ASPH: variants seen among roughly 807,000 people sequenced by gnomAD.
ASPH encodes aspartyl/asparaginyl beta-hydroxylase.
In ASPH, 100 loss-of-function variants were observed where a neutral mutation model predicts 118.4. That is an observed-to-expected ratio of 0.84 (90% CI 0.72 to 1.00). ASPH has a LOEUF of 1.00. ASPH is among the 50% of genes least tolerant of loss of function. The pLI, the probability that ASPH is intolerant of heterozygous loss-of-function variation, is 0.00. For synonymous variants in ASPH, 315 were observed against 325.6 expected (o/e 0.97, Z 0.35); for missense variants, 920 against 919.5 (o/e 1.00, Z -0.01).
chr8:61,682,419 A>G, intron 2 of ASPH: 1 of 1,610,200 alleles, frequency 6.2e-7, no homozygotes, highest in Non-Finnish European at 8.5e-7. Flanking sequence ...TAGACTTGAA[A>G]TGCAACTCCA....
At chr8:61,575,440 C>G (rs1325450268) in intron 16 of ASPH, among the ~76,000 whole-genome samples, 1 of 152,120 alleles carries the variant, frequency 6.6e-6, no homozygotes, top group East Asian at 1.9e-4. Context: ...CTGCTTAGCA[C>G]TTAGCCCTAG....
chr8:61,588,266 C>T (rs1222889026), intron 14 of ASPH, among the ~76,000 whole-genome samples: 2 of 152,162 alleles, frequency 1.3e-5, no homozygotes, highest in Non-Finnish European at 2.9e-5. Context: ...CATTTCAAAT[C>T]CTTACTTCCC....
intron 24 of ASPH, among the ~76,000 whole-genome samples, chr8:61,506,331 G>A (rs1225547137): frequency 1.3e-5 from 2 of 152,140 alleles, no homozygotes; most frequent in Non-Finnish European, 1.5e-5. Context: ...GTGGGAGGAC[G>A]GGAATGGGAG....
intron 19 of ASPH, among the ~76,000 whole-genome samples, chr8:61,554,902 G>A (rs917457228): frequency 2.0e-5 from 3 of 152,020 alleles, no homozygotes; most frequent in Admixed American, 1.3e-4. Flanking sequence ...CTGTAGAGAT[G>A]GGAATCTCAC....
intron 1 of ASPH, among the ~76,000 whole-genome samples, chr8:61,700,493 T>G (rs1834977621): frequency 6.6e-6 from 1 of 152,226 alleles, no homozygotes; most frequent in South Asian, 2.1e-4. Context: ...CAGATTAATC[T>G]ATCCCAACTG....
At chr8:61,594,704 T>G (rs1371326380) in intron 14 of ASPH, among the ~76,000 whole-genome samples, 2 of 152,112 alleles carry the variant, frequency 1.3e-5, no homozygotes, top group African/African-American at 4.8e-5. Context: ...CAGTGATTGT[T>G]GTTAATCTCT....
At position 61,503,349 on chromosome 8, in the gene ASPH, T is replaced by G. The variant is rs148842811; in HGVS notation, c.*10A>C. On this transcript the variant is annotated 3_prime_UTR_variant, in exon 25 of 25. Transcript: ENST00000379454. ...CTCTCCAGAGTTTCCCAAGCTTGCA[T>G]GAATTCATGCTAAATTGCTGGAAGG... is the stretch of plus-strand genomic sequence containing the variant. 1.3e-6 allele frequency: 2 copies of G among 1,599,722 alleles called. No homozygotes were observed. The highest frequency in any genetic ancestry group is 1.7e-6 in the Non-Finnish European group (2 of 1,170,758).
At chr8:61,684,407 A>G in intron 1 of ASPH, 1 of 490,330 alleles carries the variant, frequency 2.0e-6, no homozygotes. Flanking sequence ...CAGGAAATAA[A>G]CTCCTGAATT....
At chr8:61,565,562 G>GA (rs1407921899) in intron 17 of ASPH, among the ~76,000 whole-genome samples, 5 of 152,212 alleles carry the variant, frequency 3.3e-5, no homozygotes, top group African/African-American at 1.2e-4. Context: ...AAAAGTGTAA[G>GA]ATGAAGTAGC....
intron 15 of ASPH, among the ~76,000 whole-genome samples, chr8:61,582,828 G>A (rs564671851): frequency 6.6e-6 from 1 of 152,186 alleles, no homozygotes; most frequent in South Asian, 2.1e-4. Context: ...CCTATTACAG[G>A]AAAACTAATG....
In ASPH at chr8:61,553,061, C is replaced by T. The variant is rs945558575; in HGVS notation, c.1596G>A (p.Gly532=). The change falls in exon 20 of 25, where the codon GGG becomes GGA. Residue 532 remains glycine, a synonymous_variant. Transcript: ENST00000379454. ...TDDGRFYFHL[G]DAMQRVGNKE... ...TGTTCCCAACCCTCTGCATGGCATC[C>T]CCCAGGTGGAAATAAAATCTCCCAT... The T allele has an allele frequency of 1.2e-6, 2 of 1,613,676 alleles. No homozygotes were observed. The highest frequency in any genetic ancestry group is 1.7e-5 in the Admixed American group (1 of 60,018).
chr8:61,673,768 T>C (rs1823815898), intron 3 of ASPH, among the ~76,000 whole-genome samples: 1 of 152,186 alleles, frequency 6.6e-6, no homozygotes, highest in Non-Finnish European at 1.5e-5. Flanking sequence ...AGATACTTTA[T>C]AGTGCAGTTT....
chr8:61,630,132 G>A (rs1421816039), intron 13 of ASPH, among the ~76,000 whole-genome samples: 1 of 152,118 alleles, frequency 6.6e-6, no homozygotes, highest in Non-Finnish European at 1.5e-5. Flanking sequence ...CACATTGATA[G>A]TTACATTATT....
chr8:61,515,624 C>T (rs571368004), intron 24 of ASPH, among the ~76,000 whole-genome samples: 2 of 152,310 alleles, frequency 1.3e-5, no homozygotes, highest in South Asian at 2.1e-4. Flanking sequence ...CTATTTCCAG[C>T]CACCTCCTGG....
intron 14 of ASPH, among the ~76,000 whole-genome samples, chr8:61,586,346 T>C (rs550363599): frequency 1.3e-5 from 2 of 152,350 alleles, no homozygotes; most frequent in South Asian, 2.1e-4. Flanking sequence ...CAAGCACCTA[T>C]TGACACATAC....
In ASPH at chr8:61,642,553, G is replaced by C. The variant is rs536991868; in HGVS notation, c.790+335C>G. Reference sequence around the variant, plus strand: ...AAACTATAGGTATATTTTAAAACAAGAAGGTGGCTTAAGGTTAGAAAGCAT... The same window carrying C: ...AAACTATAGGTATATTTTAAAACAACAAGGTGGCTTAAGGTTAGAAAGCAT... On this transcript the variant is annotated intron_variant, in intron 10 of 24. Coordinates refer to ENST00000379454, the MANE Select transcript of ASPH (RefSeq NM_004318.4). Among the ~76,000 whole-genome samples the C allele has an allele frequency of 3.3e-5, 5 of 152,344 alleles. No individual in the cohort carries two copies. In the South Asian group the frequency reaches 8.3e-4, roughly 25 times the overall value.
At chr8:61,504,838 A>G (rs1805809603) in intron 24 of ASPH, among the ~76,000 whole-genome samples, 1 of 152,190 alleles carries the variant, frequency 6.6e-6, no homozygotes, top group African/African-American at 2.4e-5. Context: ...TAAGTCTGAT[A>G]ATAAAATTTC....
At chr8:61,541,600 A>G (rs750004727) in intron 21 of ASPH, among the ~76,000 whole-genome samples, 1 of 152,264 alleles carries the variant, frequency 6.6e-6, no homozygotes, top group South Asian at 2.1e-4. Context: ...TAAACGGTCA[A>G]TGAACTCTGG....
chr8:61,606,370 A>G (rs563956440), intron 14 of ASPH: 18 of 152,380 alleles, frequency 1.2e-4, no homozygotes, highest in African/African-American at 3.4e-4. Flanking sequence ...TCAATGAAGC[A>G]TAAAAATCAA....
Sources: gnomAD v4.1 joint callset for allele counts (sites outside exome capture counted in the v4.1 genomes callset) on GRCh38, gnomAD v4.1.1 for gene constraint, MANE v1.5 for transcripts, NCBI Gene and HGNC (gene_info 2026-07-23, HGNC 2026-07-21) for gene names.